The following DPH6 variants were observed in gnomAD, a reference collection of about 807,000 sequenced individuals.
The protein encoded by DPH6 is diphthamine biosynthesis 6.
A neutral mutation model predicts 38.2 loss-of-function variants in DPH6; 33 were observed. The ratio of observed to expected loss-of-function variants is 0.86; its 90% CI spans 0.65 to 1.15. The LOEUF is 1.15. Ranked by LOEUF, DPH6 falls within the 50% of genes most tolerant of loss-of-function variation. The probability of loss-of-function intolerance (pLI) is 0.00; values close to 1 mark genes in which losing one functional copy is unlikely to be tolerated. For missense variants in DPH6, 325 were observed against 320.0 expected (o/e 1.02, Z -0.12); for synonymous variants, 108 against 103.0 (o/e 1.05, Z -0.30).
intron 5 of DPH6, among the ~76,000 whole-genome samples, chr15:35,412,814 G>C (rs897302064): frequency 6.6e-6 from 1 of 151,748 alleles, no homozygotes; most frequent in African/African-American, 2.4e-5. Flanking sequence ...GTGATTGCCA[G>C]GGGTTTTGGG....
intron 3 of DPH6, among the ~76,000 whole-genome samples, chr15:35,506,056 G>C (rs2054689694): frequency 6.6e-6 from 1 of 152,034 alleles, no homozygotes; most frequent in African/African-American, 2.4e-5. Flanking sequence ...GACACAAAAA[G>C]AGAAATGAAA....
rs151330646 is a variant in DPH6, at chr15:35,441,178, G to A, written c.505+9507C>T. Among the ~76,000 whole-genome samples the A allele has an allele frequency of 5.3e-4, 80 of 152,348 alleles. No individual in the cohort carries two copies. In the East Asian group the frequency reaches 0.012, roughly 24 times the overall value. ...GCAATCAACAGTTGCTGGAGAGGAT[G>A]TGGAGAAATAAGAATGCTTTTACAC... On this transcript the variant is annotated intron_variant, in intron 5 of 8. Coordinates refer to ENST00000256538, the MANE Select transcript of DPH6 (RefSeq NM_080650.4).
At chr15:35,318,419 CAA>C (rs1233212868) in intron 3 of DPH6, among the ~76,000 whole-genome samples, 1 of 151,962 alleles carries the variant, frequency 6.6e-6, no homozygotes, top group Non-Finnish European at 1.5e-5. Context: ...AAAAAATTAG[CAA>C]AGATATAGAA....
rs754959776 is a variant in DPH6, at chr15:35,542,408, C to T, written c.118+5G>A. 9 of 1,562,150 alleles carry T rather than the reference C, an allele frequency of 5.8e-6. No homozygotes were observed. The Admixed American group carries it at 1.2e-4, about 20-fold the overall frequency. ...GGCAACTTCCCAATAAAGGCATGTA[C>T]TTACCTTGGTTTTCAGCTGGTCTTA... On this transcript the variant is annotated splice_donor_5th_base_variant and intron_variant, in intron 2 of 8. Coordinates refer to ENST00000256538, the MANE Select transcript of DPH6 (RefSeq NM_080650.4).
At chr15:35,530,524 G>A (rs1298595246) in intron 3 of DPH6, among the ~76,000 whole-genome samples, 1 of 152,154 alleles carries the variant, frequency 6.6e-6, no homozygotes, top group East Asian at 1.9e-4. Context: ...TTTATAGAGA[G>A]GCACTGACTC....
intron 3 of DPH6, among the ~76,000 whole-genome samples, chr15:35,357,850 G>T (rs1823936): frequency 0.27 from 40,397 of 152,040 alleles, 5,566 homozygotes; most frequent in South Asian, 0.38. Flanking sequence ...ATGACCTGAT[G>T]ACAATGTGCA....
At chr15:35,361,544 A>T in intron 3 of DPH6, among the ~76,000 whole-genome samples, 1 of 148,110 alleles carries the variant, frequency 6.8e-6, no homozygotes. Context: ...TCCTTCTTGT[A>T]CTCTCATACT....
intron 3 of DPH6, among the ~76,000 whole-genome samples, chr15:35,525,007 G>T (rs2054977451): frequency 6.6e-6 from 1 of 152,044 alleles, no homozygotes; most frequent in Non-Finnish European, 1.5e-5. Context: ...AAAAAAATTT[G>T]AATACTTCTT....
chr15:35,238,047 GAGA>G lies in DPH6; in HGVS notation n.201-17468_201-17466del, dbSNP rs1036021975. 40 of 1,563,672 alleles carry G rather than the reference GAGA, an allele frequency of 2.6e-5. No individual in the cohort carries two copies. The African/African-American group carries it at 5.3e-4, about 21-fold the overall frequency. ...CGAAAAGGAGAACCTGAAGATGAGG[GAGA>G]AGATGATGACTAAGTGGAATAACCT... On this transcript the variant is annotated intron_variant and non_coding_transcript_variant, in intron 3 of 3. Transcript: ENST00000560386.
intron 6 of DPH6, among the ~76,000 whole-genome samples, chr15:35,392,544 A>T (rs1160365293): frequency 6.6e-6 from 1 of 152,348 alleles, no homozygotes; most frequent in South Asian, 2.1e-4. Flanking sequence ...CATAACACTT[A>T]TTAAGGATGT....
At chr15:35,156,115 A>G in the DPH6 span, among the ~76,000 whole-genome samples, 1 of 141,466 alleles carries the variant, frequency 7.1e-6, no homozygotes, top group Non-Finnish European at 1.6e-5. Context: ...AAGGAAAACC[A>G]TAATACATTT....
At chr15:35,266,286 C>T (rs559892652) in intron 3 of DPH6, among the ~76,000 whole-genome samples, 1 of 151,734 alleles carries the variant, frequency 6.6e-6, no homozygotes, top group Non-Finnish European at 1.5e-5. Flanking sequence ...AAGTAGACAG[C>T]GTATGAAAGA....
chr15:35,393,051 G>C (rs892262500), intron 6 of DPH6, among the ~76,000 whole-genome samples: 1 of 152,206 alleles, frequency 6.6e-6, no homozygotes, highest in Non-Finnish European at 1.5e-5. Context: ...CCTAAGGTCA[G>C]AGAGAACCCA....
At chr15:35,243,898 T>C (rs1037935121) in intron 3 of DPH6, among the ~76,000 whole-genome samples, 1 of 152,228 alleles carries the variant, frequency 6.6e-6, no homozygotes, top group Non-Finnish European at 1.5e-5. Flanking sequence ...CTTACCAGTG[T>C]ATAAGCTACT....
At chr15:35,405,773 C>A (rs1210299415) in intron 6 of DPH6, among the ~76,000 whole-genome samples, 1 of 152,002 alleles carries the variant, frequency 6.6e-6, no homozygotes, top group Admixed American at 6.6e-5. Context: ...TTGTCATGTT[C>A]CAGATCTAAG....
intron 3 of DPH6, among the ~76,000 whole-genome samples, chr15:35,285,139 A>C (rs1474556561): frequency 2.0e-5 from 3 of 152,242 alleles, no homozygotes; most frequent in East Asian, 3.9e-4. Flanking sequence ...GATGCATTTG[A>C]GATATCTCCC....
intron 3 of DPH6, among the ~76,000 whole-genome samples, chr15:35,338,736 T>C (rs1468616215): frequency 6.6e-6 from 1 of 152,140 alleles, no homozygotes. Flanking sequence ...TGCACACGTA[T>C]GTTTATTGCG....
In DPH6 at chr15:35,443,005, T is replaced by C. The variant is rs557706235; in HGVS notation, c.505+7680A>G. Among the ~76,000 whole-genome samples the C allele has an allele frequency of 2.4e-4, 36 of 152,334 alleles. 1 individual carries two copies. Among genetic ancestry groups the C allele is most frequent in the East Asian group, 5.8e-4 (3 of 5,190 alleles). On this transcript the variant is annotated intron_variant, in intron 5 of 8. Transcript: ENST00000256538. ...TGAATACACTAAAAAAATTGAATTG[T>C]ACATTTTAAGTGGGTGACATGCATA...
intron 5 of DPH6, among the ~76,000 whole-genome samples, chr15:35,449,025 TTTTG>T (rs2053895142): frequency 6.6e-6 from 1 of 150,792 alleles, no homozygotes; most frequent in African/African-American, 2.4e-5. Context: ...AGTCCCTTTT[TTTTG>T]GCTTAAATCC....
Sources: gnomAD v4.1 joint callset for allele counts (sites outside exome capture counted in the v4.1 genomes callset) on GRCh38, gnomAD v4.1.1 for gene constraint, MANE v1.5 for transcripts, NCBI Gene and HGNC (gene_info 2026-07-23, HGNC 2026-07-21) for gene names.